MORC2: variants seen among roughly 807,000 people sequenced by gnomAD.
MORC2 encodes the protein ATPase MORC2.
A neutral mutation model predicts 136.0 loss-of-function variants in MORC2; 30 were observed. That is an observed-to-expected ratio of 0.22 (90% CI 0.17 to 0.30). The LOEUF is 0.30. Among genes scored for constraint, MORC2 ranks in the 10% least tolerant of loss-of-function variants. The pLI is 1.00. For synonymous variants in MORC2, 439 were observed against 487.0 expected, an observed-to-expected ratio of 0.90 and a Z score of 1.30; for missense variants, 922 against 1,333.1, an observed-to-expected ratio of 0.69 and a Z score of 4.80.
chr22:30,962,771 T>C (rs1199085041), intron 1 of MORC2, among the ~76,000 whole-genome samples: 1 of 152,150 alleles, frequency 6.6e-6, no homozygotes, highest in East Asian at 1.9e-4. Context: ...GTTGGTAAAG[T>C]CAGAGATAAT....
chr22:30,964,067 C>CA (rs2041089087), intron 1 of MORC2, among the ~76,000 whole-genome samples: 1 of 152,062 alleles, frequency 6.6e-6, no homozygotes, highest in Admixed American at 6.6e-5. Context: ...CCATAAAACT[C>CA]AGAAATAGGG....
Position 30,932,990 on chromosome 22 carries a change from C to T in MORC2, c.2421G>A (p.Trp807Ter), listed in dbSNP as rs554086969. ...CCACGGCTGTGACACGGCCCGTGTACCACTCCCTGTTCACACGCACCTCCA... is the reference window on the plus strand; with the variant it reads ...CCACGGCTGTGACACGGCCCGTGTATCACTCCCTGTTCACACGCACCTCCA... ...LHVEVRVNREWYTGRVTAVEV... is the reference protein window; with the variant it reads ...LHVEVRVNRE The change falls in exon 22 of 26, where the codon TGG (tryptophan) becomes TGA (stop). Residue 807 changes from tryptophan to a stop codon, truncating the protein, a stop_gained. Transcript: ENST00000397641. LOFTEE classifies it high-confidence loss of function. The surrounding 1 kb of genome is among the most constrained non-coding windows in gnomAD (Gnocchi z 4.4). 1 of 1,614,156 alleles carries T rather than the reference C, an allele frequency of 6.2e-7. No individual in the cohort carries two copies. The highest frequency in any genetic ancestry group is 1.7e-5 in the Admixed American group (1 of 60,030).
In MORC2 at chr22:30,938,175, A is replaced by G. The variant is rs751725729; in HGVS notation, c.1104T>C (p.Phe368=). The change falls in exon 13 of 26, where the codon TTT becomes TTC. Residue 368 remains phenylalanine (F), a synonymous_variant. Coordinates refer to ENST00000397641, the MANE Select transcript of MORC2 (RefSeq NM_001303256.3). ...GGTGTTCAATGTTGACACCAAAAAC[A>G]AAATTCAGTTCCTTAGGTTCTTTAA... ...RALKEPKELN[F]VFGVNIEHRD... 1.9e-6 allele frequency: 3 copies of G among 1,614,142 alleles called. No individual in the cohort carries two copies. Among genetic ancestry groups the G allele is most frequent in the Non-Finnish European group, 2.5e-6 (3 of 1,180,026 alleles).
In MORC2 at chr22:30,940,848, G is replaced by GA; in HGVS notation, c.825-12dup. On this transcript the variant is annotated splice_polypyrimidine_tract_variant and intron_variant, in intron 9 of 25. Coordinates refer to ENST00000397641, the MANE Select transcript of MORC2 (RefSeq NM_001303256.3). ...GTGTACTTGTACATCCTGATCAGTA[G>GA]AAAAAGCAAGCTGATGGCCCACGCA... is the stretch of plus-strand genomic sequence containing the variant. 6.2e-7 allele frequency: 1 copy of GA among 1,613,268 alleles called. No homozygotes were observed. Among genetic ancestry groups the GA allele is most frequent in the Middle Eastern group, 1.6e-4 (1 of 6,062 alleles).
chr22:30,955,544 G>A lies in MORC2; in HGVS notation c.157+1219C>T, dbSNP rs183079655. Among the ~76,000 whole-genome samples, 4 of 152,192 alleles carry A rather than the reference G, an allele frequency of 2.6e-5. No individual in the cohort carries two copies. The East Asian group carries it at 7.7e-4, about 29-fold the overall frequency. Reference sequence around the variant, plus strand: ...AGAATTACTACTTAGTTGTGTGCTTGTTCCCATTCATCAAAAGGGTCCATG... The same window carrying A: ...AGAATTACTACTTAGTTGTGTGCTTATTCCCATTCATCAAAAGGGTCCATG... On this transcript the variant is annotated intron_variant, in intron 3 of 25. Transcript: ENST00000397641.
chr22:30,955,799 A>C lies in MORC2; in HGVS notation c.157+964T>G, dbSNP rs547807915. Among the ~76,000 whole-genome samples, 399 of 152,192 alleles carry C rather than the reference A, an allele frequency of 2.6e-3. 2 individuals are homozygous for C. The highest frequency in any genetic ancestry group is 9.0e-3 in the African/African-American group (375 of 41,516). On this transcript the variant is annotated intron_variant, in intron 3 of 25. Coordinates refer to ENST00000397641, the MANE Select transcript of MORC2 (RefSeq NM_001303256.3). The stretch of plus-strand genomic sequence containing the variant: ...CGAGGCAGGCAGATCACCTGAGGTC[A>C]TGAGTTTGAGACCAGCCTGGCCGAC...
rs1028496303 is a variant in MORC2, at chr22:30,941,379, C to T, written c.824+54G>A. 22 of 1,594,650 alleles carry T rather than the reference C, an allele frequency of 1.4e-5. No individual in the cohort carries two copies. The highest frequency in any genetic ancestry group is 1.7e-5 in the Admixed American group (1 of 58,418). On this transcript the variant is annotated intron_variant, in intron 9 of 25. Transcript: ENST00000397641. The surrounding 1 kb of genome is among the most constrained non-coding windows in gnomAD (Gnocchi z 4.6). ...CCTCTAACAATGCCCCAGAGAAACGCGGCCACATCCTCGACCCATGGGAGA... is the reference window on the plus strand; with the variant it reads ...CCTCTAACAATGCCCCAGAGAAACGTGGCCACATCCTCGACCCATGGGAGA...
At chr22:30,938,461 ATTGT>A (rs1204474649) in intron 12 of MORC2, among the ~76,000 whole-genome samples, 1 of 152,240 alleles carries the variant, frequency 6.6e-6, no homozygotes, top group Non-Finnish European at 1.5e-5. Context: ...TTAAATATGA[ATTGT>A]TTATTACGAA....
chr22:30,932,864 T>C lies in MORC2; in HGVS notation c.2522+25A>G, dbSNP rs1252920225. On this transcript the variant is annotated intron_variant, in intron 22 of 25. Coordinates refer to ENST00000397641, the MANE Select transcript of MORC2 (RefSeq NM_001303256.3). This position sits in a 1 kb window ranked among gnomAD's most constrained non-coding sequence, Gnocchi z 4.4. ...GGGGATACCTCCTTCGAGGAACCACTGCTCCTCCCTGATTGGGGCATTACC... is the reference window on the plus strand; with the variant it reads ...GGGGATACCTCCTTCGAGGAACCACCGCTCCTCCCTGATTGGGGCATTACC... 1 of 1,613,970 alleles carries C rather than the reference T, an allele frequency of 6.2e-7. No individual in the cohort carries two copies. Among genetic ancestry groups the C allele is most frequent in the African/African-American group, 1.3e-5 (1 of 74,920 alleles).
In MORC2 at chr22:30,941,374, A is replaced by C; in HGVS notation, c.824+59T>G. 1 of 1,592,998 alleles carries C rather than the reference A, an allele frequency of 6.3e-7. No homozygotes were observed. Among genetic ancestry groups the C allele is most frequent in the South Asian group, 1.1e-5 (1 of 89,972 alleles). Reference sequence around the variant, plus strand: ...GCATCCCTCTAACAATGCCCCAGAGAAACGCGGCCACATCCTCGACCCATG... The same window carrying C: ...GCATCCCTCTAACAATGCCCCAGAGCAACGCGGCCACATCCTCGACCCATG... On this transcript the variant is annotated intron_variant, in intron 9 of 25. Transcript: ENST00000397641. This position sits in a 1 kb window ranked among gnomAD's most constrained non-coding sequence, Gnocchi z 4.6.
chr22:30,953,607 A>G (rs1254470933), intron 3 of MORC2, among the ~76,000 whole-genome samples: 1 of 152,208 alleles, frequency 6.6e-6, no homozygotes, highest in Non-Finnish European at 1.5e-5. Flanking sequence ...AATCTGTTTG[A>G]GCAGTATTAA....
intron 5 of MORC2, among the ~76,000 whole-genome samples, chr22:30,947,372 G>A (rs1187997187): frequency 6.6e-6 from 1 of 152,252 alleles, no homozygotes; most frequent in East Asian, 1.9e-4. Context: ...TGAAGCACCA[G>A]CAGGGGGACC....
At chr22:30,940,451 G>A (rs1168169829) in intron 10 of MORC2, among the ~76,000 whole-genome samples, 1 of 152,164 alleles carries the variant, frequency 6.6e-6, no homozygotes, top group Admixed American at 6.5e-5. Context: ...CCTGAAGTCA[G>A]GAAAAGCAAT....
At chr22:30,936,218 C>G (rs113007808) in intron 17 of MORC2, among the ~76,000 whole-genome samples, 1 of 152,128 alleles carries the variant, frequency 6.6e-6, no homozygotes, top group Non-Finnish European at 1.5e-5. Context: ...TGATGGTTAC[C>G]TCTAAGGCAG....
chr22:30,927,380 C>T (rs957199577), intron 25 of MORC2, among the ~76,000 whole-genome samples: 6 of 152,186 alleles, frequency 3.9e-5, no homozygotes, highest in Non-Finnish European at 5.9e-5. Flanking sequence ...CTGCCCCTAC[C>T]GCCCCCAAGT....
chr22:30,934,688 C>T lies in MORC2; in HGVS notation c.2193+93G>A, dbSNP rs926400626. The T allele has an allele frequency of 1.5e-5, 23 of 1,505,016 alleles. No homozygotes were observed. Among genetic ancestry groups the T allele is most frequent in the South Asian group, 5.1e-5 (4 of 78,706 alleles). 93.2% of individuals were successfully genotyped at this position (1,505,016 alleles called of 1,614,324 possible). A position where few individuals can be genotyped will look rare whatever the true frequency, so the allele number is the denominator to read the frequency against. ...GCAAAGCTTTAGATTCAGTATCTTC[C>T]GAAGGCTCCCCCAGTACAGCTGTGA... On this transcript the variant is annotated intron_variant, in intron 19 of 25. Transcript: ENST00000397641. This position sits in a 1 kb window ranked among gnomAD's most constrained non-coding sequence, Gnocchi z 4.4.
At chr22:30,965,372 A>T (rs531553090) in intron 1 of MORC2, among the ~76,000 whole-genome samples, 1 of 152,206 alleles carries the variant, frequency 6.6e-6, no homozygotes, top group Non-Finnish European at 1.5e-5. Context: ...CATCTTTATG[A>T]GCTACAAGTC....
intron 17 of MORC2, 74 bp downstream of exon 17, chr22:30,936,437 A>C (rs1264271653): frequency 6.4e-7 from 1 of 1,572,436 alleles, no homozygotes; most frequent in East Asian, 2.2e-5. Context: ...GGAACAGGAA[A>C]GCTACTGAAG....
intron 6 of MORC2, among the ~76,000 whole-genome samples, chr22:30,943,097 G>C (rs2040764466): frequency 6.6e-6 from 1 of 152,074 alleles, no homozygotes; most frequent in South Asian, 2.1e-4. Context: ...TGATACAAAT[G>C]AACTAACCAC....
Sources: allele counts gnomAD v4.1 joint callset (sites outside exome capture counted in the v4.1 genomes callset), GRCh38; gene constraint gnomAD v4.1.1; non-coding constraint Gnocchi (gnomAD v3.1); transcripts MANE v1.5; gene names NCBI Gene and HGNC (gene_info 2026-07-23, HGNC 2026-07-21).